Variants in ADGRG7 observed in about 807,000 individuals in gnomAD.
ADGRG7 encodes G-protein coupled receptor 128.
In ADGRG7, 82 loss-of-function variants were observed where a neutral mutation model predicts 88.6. The ratio of observed to expected loss-of-function variants is 0.93; its 90% CI spans 0.77 to 1.11. The LOEUF (loss-of-function observed/expected upper bound fraction) is 1.11. ADGRG7 is among the 50% of genes most tolerant of loss of function. The pLI is 0.00. For synonymous variants in ADGRG7, 381 were observed against 345.2 expected, an observed-to-expected ratio of 1.10 and a Z score of -1.15; for missense variants, 945 against 953.4, an observed-to-expected ratio of 0.99 and a Z score of 0.12.
intron 14 of ADGRG7, chr3:100,665,327 A>G: frequency 1.8e-6 from 1 of 540,780 alleles, no homozygotes. Flanking sequence ...CTGGTGAAAT[A>G]CCCTCAAGCT....
intron 1 of ADGRG7, among the ~76,000 whole-genome samples, chr3:100,625,444 A>C (rs948678784): frequency 6.6e-6 from 1 of 152,154 alleles, no homozygotes; most frequent in Non-Finnish European, 1.5e-5. Flanking sequence ...GGCTGAGACG[A>C]TGGGGTTTTC....
chr3:100,694,482 A>C (rs2094998884), intron 15 of ADGRG7, among the ~76,000 whole-genome samples: 1 of 152,240 alleles, frequency 6.6e-6, no homozygotes, highest in Admixed American at 6.5e-5. Flanking sequence ...GCAAATTTAC[A>C]CAGCCAGCTA....
chr3:100,688,471 G>A (rs1168457434), intron 15 of ADGRG7, among the ~76,000 whole-genome samples: 2 of 151,942 alleles, frequency 1.3e-5, no homozygotes, highest in South Asian at 2.1e-4. Context: ...GTGATGTTAG[G>A]GTGTCCATTT....
Position 100,637,410 on chromosome 3 carries a change from C to T in ADGRG7, c.698+8C>T. The T allele has an allele frequency of 6.2e-7, 1 of 1,600,152 alleles. No individual in the cohort carries two copies. Among genetic ancestry groups the T allele is most frequent in the Non-Finnish European group, 8.6e-7 (1 of 1,167,950 alleles). On this transcript the variant is annotated splice_region_variant and intron_variant, in intron 6 of 15. Transcript: ENST00000273352. ...TGATGATGCCCTTACAACGTAAGCACAAATTCAATTTGGAAAGAAAACTTG... is the reference window on the plus strand; with the variant it reads ...TGATGATGCCCTTACAACGTAAGCATAAATTCAATTTGGAAAGAAAACTTG...
chr3:100,622,068 G>T (rs896113102), intron 1 of ADGRG7, among the ~76,000 whole-genome samples: 4 of 152,278 alleles, frequency 2.6e-5, no homozygotes, highest in African/African-American at 7.2e-5. Flanking sequence ...GATCTGACAG[G>T]AGGCTAAGCT....
chr3:100,629,821 A>G, intron 2 of ADGRG7, 110 bp downstream of exon 2: 1 of 699,518 alleles, frequency 1.4e-6, no homozygotes, highest in Non-Finnish European at 2.5e-6. Context: ...GAAACAATGG[A>G]CATAATGATG....
chr3:100,670,992 A>G (rs142052417), intron 15 of ADGRG7, among the ~76,000 whole-genome samples: 1 of 152,214 alleles, frequency 6.6e-6, no homozygotes, highest in African/African-American at 2.4e-5. Flanking sequence ...TGCTATTGTG[A>G]ATAGTGCTGC....
rs535593739 is a variant in ADGRG7 at position 100,668,703 on chromosome 3, A to C, written c.1980-246A>C. 7.2e-5 allele frequency among the ~76,000 whole-genome samples: 11 copies of C among 152,314 alleles called. No homozygotes were observed. In the South Asian group the frequency reaches 2.3e-3, roughly 32 times the overall value. On this transcript the variant is annotated intron_variant, in intron 14 of 15. Transcript: ENST00000273352. ...GTTCTTAAAATTTGCCTGCTGTAGT[A>C]TTAAGGAGCTGTGTTTGCCTGAAGT...
chr3:100,644,279 A>G (rs1576322349), intron 8 of ADGRG7, among the ~76,000 whole-genome samples: 1 of 152,196 alleles, frequency 6.6e-6, no homozygotes, highest in East Asian at 1.9e-4. Flanking sequence ...TGTGTTAGAT[A>G]GAATATATTT....
intron 14 of ADGRG7, chr3:100,665,092 CA>C (rs1227592891): frequency 2.2e-5 from 11 of 506,966 alleles, no homozygotes; most frequent in Non-Finnish European, 3.6e-5. Flanking sequence ...ATTCTTCAGT[CA>C]GTTCTTCCGT....
intron 15 of ADGRG7, among the ~76,000 whole-genome samples, chr3:100,679,031 C>A (rs1286384342): frequency 6.6e-6 from 1 of 152,188 alleles, no homozygotes; most frequent in Non-Finnish European, 1.5e-5. Context: ...AGGCTTGTTT[C>A]CTTCCTTTCA....
chr3:100,635,902 C>T (rs1488026411), intron 5 of ADGRG7, 76 bp downstream of exon 5: 25 of 1,033,926 alleles, frequency 2.4e-5, no homozygotes, highest in Non-Finnish European at 3.3e-5. Flanking sequence ...GAGAGATGTC[C>T]TGAATACCAC....
rs146927219 is a variant in ADGRG7 at position 100,692,851 on chromosome 3, A to G, written c.2137-1893A>G. ...CCTCACCCCTTACCTACTCAACCAG[A>G]ATCTACAGGCATAGGAGCTGAGACT... On this transcript the variant is annotated intron_variant, in intron 15 of 15. Coordinates refer to ENST00000273352, the MANE Select transcript of ADGRG7 (RefSeq NM_032787.3). Among the ~76,000 whole-genome samples, 520 of 152,300 alleles carry G rather than the reference A, an allele frequency of 3.4e-3. 5 individuals are homozygous for G. The highest frequency in any genetic ancestry group is 5.0e-3 in the Non-Finnish European group (341 of 68,032).
In ADGRG7 at chr3:100,679,931, G is replaced by A. The variant is rs376402028; in HGVS notation, c.2136+10826G>A. Reference sequence around the variant, plus strand: ...GGCCCAACATTTGGTCTATTTTGGTGAATAAAACATTTACTCTGGAAGAAA... The same window carrying A: ...GGCCCAACATTTGGTCTATTTTGGTAAATAAAACATTTACTCTGGAAGAAA... On this transcript the variant is annotated intron_variant, in intron 15 of 15. Transcript: ENST00000273352. Among the ~76,000 whole-genome samples, 4 of 152,258 alleles carry A rather than the reference G, an allele frequency of 2.6e-5. No individual in the cohort carries two copies. The East Asian group carries it at 5.8e-4, about 22-fold the overall frequency.
chr3:100,632,049 G>T (rs1330865817), intron 3 of ADGRG7, among the ~76,000 whole-genome samples: 2 of 151,880 alleles, frequency 1.3e-5, no homozygotes, highest in Non-Finnish European at 1.5e-5. Context: ...GTATGCTATT[G>T]GTAACTATTG....
intron 10 of ADGRG7, among the ~76,000 whole-genome samples, chr3:100,647,289 G>A (rs549667110): frequency 1.3e-5 from 2 of 152,308 alleles, no homozygotes; most frequent in African/African-American, 4.8e-5. Context: ...GTCCATGTGC[G>A]AAAGAAAAGC....
rs565846630 is a variant in ADGRG7 at position 100,672,232 on chromosome 3, T to C, written c.2136+3127T>C. Among the ~76,000 whole-genome samples the C allele has an allele frequency of 5.1e-4, 77 of 152,344 alleles. 1 individual carries two copies. The highest frequency in any genetic ancestry group is 1.7e-3 in the African/African-American group (72 of 41,580). ...TTATTTGTGTCCTCTCTTATTTCCTTGAGCAGTAGCTTGCAGTTCTCCTTG... is the reference window on the plus strand; with the variant it reads ...TTATTTGTGTCCTCTCTTATTTCCTCGAGCAGTAGCTTGCAGTTCTCCTTG... On this transcript the variant is annotated intron_variant, in intron 15 of 15. Transcript: ENST00000273352.
chr3:100,682,467 G>A (rs1055651887), intron 15 of ADGRG7, among the ~76,000 whole-genome samples: 2 of 152,224 alleles, frequency 1.3e-5, no homozygotes, highest in African/African-American at 4.8e-5. Flanking sequence ...TGCGCCTGGG[G>A]AACAGTCTCT....
intron 1 of ADGRG7, among the ~76,000 whole-genome samples, chr3:100,611,683 G>GT (rs1707156965): frequency 6.6e-6 from 1 of 152,332 alleles, no homozygotes; most frequent in South Asian, 2.1e-4. Context: ...TCAATTGGCT[G>GT]TTTATATAAG....
Sources: gnomAD v4.1 joint callset for allele counts (sites outside exome capture counted in the v4.1 genomes callset) on GRCh38, gnomAD v4.1.1 for gene constraint, MANE v1.5 for transcripts, NCBI Gene and HGNC (gene_info 2026-07-23, HGNC 2026-07-21) for gene names.